Variants in USP34 observed in about 807,000 individuals in gnomAD.
The protein encoded by USP34 is ubiquitin specific peptidase 34.
In USP34, 70 loss-of-function variants were observed where a neutral mutation model predicts 460.3. That is an observed-to-expected ratio of 0.15 (90% CI 0.13 to 0.19). The LOEUF (loss-of-function observed/expected upper bound fraction) is 0.19. Among genes scored for constraint, USP34 ranks in the 10% least tolerant of loss-of-function variants. The pLI is 1.00. For missense variants in USP34, 3,985 were observed against 4,236.2 expected, an observed-to-expected ratio of 0.94 and a Z score of 1.65; for synonymous variants, 1,647 against 1,405.3, an observed-to-expected ratio of 1.17 and a Z score of -3.85.
intron 1 of USP34, among the ~76,000 whole-genome samples, chr2:61,425,285 C>A (rs187875031): frequency 6.6e-6 from 1 of 152,100 alleles, no homozygotes; most frequent in East Asian, 1.9e-4. Flanking sequence ...TTAACTGAAA[C>A]ACCTTCATAA....
intron 7 of USP34, among the ~76,000 whole-genome samples, chr2:61,378,913 G>GAAAAAAAAACA (rs1692879905): frequency 5.2e-5 from 3 of 57,872 alleles, no homozygotes; most frequent in African/African-American, 7.3e-5. Context: ...TCAAAAAAAC[G>GAAAAAAAAACA]AAAAAAAAAA....
At chr2:61,417,747 T>C (rs1022867069) in intron 2 of USP34, among the ~76,000 whole-genome samples, 3 of 143,584 alleles carry the variant, frequency 2.1e-5, no homozygotes, top group Admixed American at 7.0e-5. Context: ...TTCTTTTCTT[T>C]TTTTTTTTTT....
rs1337475434 is a variant in USP34 at position 61,206,890 on chromosome 2, C to T, written c.8920-4G>A. ...TCATGTGCAAAGTGTTGAAAGACTA[C>T]AAATGATTTGAAAAAATTGAAAACT... On this transcript the variant is annotated splice_region_variant and splice_polypyrimidine_tract_variant and intron_variant, in intron 70 of 79. Coordinates refer to ENST00000398571, the MANE Select transcript of USP34 (RefSeq NM_014709.4). 1 of 1,605,274 alleles carries T rather than the reference C, an allele frequency of 6.2e-7. No homozygotes were observed. Among genetic ancestry groups the T allele is most frequent in the Non-Finnish European group, 8.5e-7 (1 of 1,177,406 alleles).
At chr2:61,375,768 C>CAAAAAAAAAAAAAAAAAAAAAAA (rs56304309) in intron 8 of USP34, among the ~76,000 whole-genome samples, 2 of 80,886 alleles carry the variant, frequency 2.5e-5, no homozygotes, top group African/African-American at 4.3e-5. Context: ...GACTCTGTCT[C>CAAAAAAAAAAAAAAAAAAAAAAA]AAAAAAAAAA....
chr2:61,345,339 TCA>T (rs1691735916), intron 15 of USP34, among the ~76,000 whole-genome samples: 1 of 151,686 alleles, frequency 6.6e-6, no homozygotes, highest in Non-Finnish European at 1.5e-5. Flanking sequence ...TTCCTTAATC[TCA>T]GATGCATCAG....
intron 41 of USP34, among the ~76,000 whole-genome samples, chr2:61,269,164 T>C (rs1479972841): frequency 6.6e-6 from 1 of 151,874 alleles, no homozygotes; most frequent in Non-Finnish European, 1.5e-5. Context: ...TAAGTAAAAT[T>C]TCAGAAAGGA....
chr2:61,394,555 A>T (rs949583667), intron 5 of USP34, among the ~76,000 whole-genome samples: 3 of 138,744 alleles, frequency 2.2e-5, no homozygotes, highest in Admixed American at 7.5e-5. Context: ...AAAAAAAAAA[A>T]AAATAAGTTA....
At position 61,232,618 on chromosome 2, in the gene USP34, G is replaced by C. The variant is rs114777504; in HGVS notation, c.7033-86C>G. On this transcript the variant is annotated intron_variant, in intron 57 of 79. Transcript: ENST00000398571. ...CAGTCACATAAGAATTTTATTTCTA[G>C]TCAATGTTTTAATTCTTTTAAGTTC... is the stretch of plus-strand genomic sequence containing the variant. 7.3e-6 allele frequency: 8 copies of C among 1,099,386 alleles called. No individual in the cohort carries two copies. The South Asian group carries it at 1.1e-4, about 16-fold the overall frequency. 68.1% of individuals were successfully genotyped at this position (1,099,386 alleles called of 1,614,324 possible).
chr2:61,335,159 TTA>T (rs928788378), intron 18 of USP34, among the ~76,000 whole-genome samples: 1 of 152,174 alleles, frequency 6.6e-6, no homozygotes, highest in African/African-American at 2.4e-5. Context: ...TGATAATAAT[TTA>T]TGTTTCAATG....
intron 6 of USP34, among the ~76,000 whole-genome samples, chr2:61,382,561 C>T (rs1310472635): frequency 6.6e-6 from 1 of 152,198 alleles, no homozygotes; most frequent in African/African-American, 2.4e-5. Flanking sequence ...TTGCCTGATA[C>T]TGTCTCCCAA....
chr2:61,374,821 G>A (rs1294174963), intron 8 of USP34, among the ~76,000 whole-genome samples: 30 of 151,970 alleles, frequency 2.0e-4, no homozygotes, highest in Non-Finnish European at 2.9e-5. Flanking sequence ...CACCAGCTTC[G>A]GCCTCCCAAA....
Position 61,280,289 on chromosome 2 carries a change from C to T in USP34, c.5211G>A (p.Leu1737=). Residue 1737 remains leucine (L), a synonymous_variant, in exon 39 of 80, where the codon TTG becomes TTA. Transcript: ENST00000398571. ...LKPGCKEYFW[L]LCKLVDNIHI... ...GTATGTTGTCAACTAATTTGCATAACAACCAAAAATACTCTTTACATCCTG... is the reference window on the plus strand; with the variant it reads ...GTATGTTGTCAACTAATTTGCATAATAACCAAAAATACTCTTTACATCCTG... 1 of 1,562,224 alleles carries T rather than the reference C, an allele frequency of 6.4e-7. No individual in the cohort carries two copies. The highest frequency in any genetic ancestry group is 8.7e-7 in the Non-Finnish European group (1 of 1,155,936).
intron 2 of USP34, among the ~76,000 whole-genome samples, chr2:61,408,405 A>G (rs939370383): frequency 3.3e-5 from 5 of 152,086 alleles, no homozygotes; most frequent in Non-Finnish European, 7.4e-5. Flanking sequence ...ATAATTATAA[A>G]TATATATAAA....
At position 61,214,557 on chromosome 2, in the gene USP34, T is replaced by G; in HGVS notation, c.8185A>C (p.Asn2729His). The G allele has an allele frequency of 6.2e-7, 1 of 1,613,880 alleles. No individual in the cohort carries two copies. The highest frequency in any genetic ancestry group is 1.1e-5 in the South Asian group (1 of 90,994). ...DTTVVLHQVYNVLLGLLSRAK... is the reference protein window; with the variant it reads ...DTTVVLHQVYHVLLGLLSRAK... ...CTTGAGAGCAAACCAAGGAGCACGT[T>G]GTAGACCTGATGTAGGACTACTGTT... Residue 2729 changes from asparagine to histidine, a missense_variant, in exon 68 of 80, where the codon AAC (asparagine) becomes CAC (histidine). Coordinates refer to ENST00000398571, the MANE Select transcript of USP34 (RefSeq NM_014709.4).
chr2:61,277,086 A>G (rs1318469467), intron 41 of USP34, among the ~76,000 whole-genome samples: 1 of 152,210 alleles, frequency 6.6e-6, no homozygotes, highest in African/African-American at 2.4e-5. Context: ...TCAGAGATAG[A>G]TTTCATGTCA....
intron 11 of USP34, 67 bp from the exon 12 acceptor site, chr2:61,350,456 T>C: frequency 6.4e-7 from 1 of 1,572,096 alleles, no homozygotes; most frequent in South Asian, 1.2e-5. Flanking sequence ...TAATATCCTT[T>C]TTGTCAAACT....
In USP34 at chr2:61,421,326, C is replaced by T. The variant is rs138601318; in HGVS notation, c.44-493G>A. On this transcript the variant is annotated intron_variant, in intron 1 of 79. Transcript: ENST00000398571. ...CTCTCAGAGGTATCAGCAGTAGCCA[C>T]AGAGCATACCTTCCTTGAAGTCACA... Among the ~76,000 whole-genome samples, 3 of 152,332 alleles carry T rather than the reference C, an allele frequency of 2.0e-5. No individual in the cohort carries two copies. In the East Asian group the frequency reaches 5.8e-4, roughly 29 times the overall value.
chr2:61,218,658 T>C (rs951242614), intron 67 of USP34, among the ~76,000 whole-genome samples: 1 of 152,050 alleles, frequency 6.6e-6, no homozygotes, highest in African/African-American at 2.4e-5. Context: ...CTGTGACAGT[T>C]TCTTAGATTT....
At chr2:61,400,026 C>A (rs1023281920) in intron 3 of USP34, among the ~76,000 whole-genome samples, 1 of 151,788 alleles carries the variant, frequency 6.6e-6, no homozygotes, top group African/African-American at 2.4e-5. Context: ...ATGAGTTGAT[C>A]CCATCCTATT....
Sources: allele counts gnomAD v4.1 joint callset (sites outside exome capture counted in the v4.1 genomes callset), GRCh38; gene constraint gnomAD v4.1.1; transcripts MANE v1.5; gene names NCBI Gene and HGNC (gene_info 2026-07-23, HGNC 2026-07-21).